The following MIB1 variants were observed in gnomAD, a reference collection of about 807,000 sequenced individuals.
The protein encoded by MIB1 is E3 ubiquitin-protein ligase MIB1.
Under a neutral mutation model 124.5 loss-of-function variants are expected in MIB1, and 278 were observed. The ratio of observed to expected loss-of-function variants is 2.23; its 90% CI spans 2.02 to 2.47. The LOEUF is 2.47. MIB1 is among the 30% of genes most tolerant of loss of function. The probability of loss-of-function intolerance (pLI) is 0.00; values close to 1 mark genes in which losing one functional copy is unlikely to be tolerated. For missense variants in MIB1, 957 were observed against 1,254.4 expected (o/e 0.76, Z 3.58); for synonymous variants, 446 against 429.4 (o/e 1.04, Z -0.48).
chr18:21,795,042 A>G (rs2041557087), intron 7 of MIB1, among the ~76,000 whole-genome samples: 1 of 151,780 alleles, frequency 6.6e-6, no homozygotes, highest in Non-Finnish European at 1.5e-5. Context: ...GTTGTAAAGG[A>G]AAGGGTAGAA....
At chr18:21,856,147 G>A (rs1182983113) in intron 18 of MIB1, among the ~76,000 whole-genome samples, 1 of 151,220 alleles carries the variant, frequency 6.6e-6, no homozygotes, top group Admixed American at 6.6e-5. Context: ...GGAGAATGGC[G>A]TGAACCCGGG....
At chr18:21,761,937 T>C (rs910412068) in intron 1 of MIB1, among the ~76,000 whole-genome samples, 6 of 80,490 alleles carry the variant, frequency 7.5e-5, no homozygotes, top group Non-Finnish European at 1.6e-4. Flanking sequence ...CAGAAAACAA[T>C]CTGGAAACCC....
chr18:21,716,664 A>G (rs891433739), intron 1 of MIB1, among the ~76,000 whole-genome samples: 5 of 152,170 alleles, frequency 3.3e-5, no homozygotes, highest in African/African-American at 4.8e-5. Context: ...ATCCTGGCTA[A>G]CACGGTGAAA....
intron 13 of MIB1, among the ~76,000 whole-genome samples, chr18:21,840,649 ATATATATATATATATATTTTT>A (rs1335372118): frequency 6.0e-4 from 43 of 71,316 alleles, no homozygotes; most frequent in Non-Finnish European, 6.9e-4. Context: ...ATATATATAT[ATATATATATATATATATTTTT>A]TTTTTTTTTT....
At position 21,864,718 on chromosome 18, in the gene MIB1, A is replaced by C; in HGVS notation, c.*52A>C. 1 of 1,449,654 alleles carries C rather than the reference A, an allele frequency of 6.9e-7. No homozygotes were observed. Among genetic ancestry groups the C allele is most frequent in the Non-Finnish European group, 9.5e-7 (1 of 1,049,832 alleles). 89.8% of individuals were successfully genotyped at this position (1,449,654 alleles called of 1,614,324 possible). ...CTAATGTATCTAGTCATGAGATCTT[A>C]ATAGGCTTTTGATCTAGTTGGAAGT... is the stretch of plus-strand genomic sequence containing the variant. On this transcript the variant is annotated 3_prime_UTR_variant, in exon 21 of 21. Transcript: ENST00000261537.
chr18:21,861,898 A>G (rs895521132), intron 20 of MIB1, among the ~76,000 whole-genome samples: 6 of 151,566 alleles, frequency 4.0e-5, no homozygotes, highest in Non-Finnish European at 8.8e-5. Flanking sequence ...TTATCAATCT[A>G]TTTTGCTTTT....
chr18:21,782,315 G>T (rs926032679), intron 6 of MIB1, among the ~76,000 whole-genome samples: 2 of 152,026 alleles, frequency 1.3e-5, no homozygotes, highest in African/African-American at 4.8e-5. Context: ...TAGAGATGGG[G>T]TTTCTCCATG....
intron 6 of MIB1, among the ~76,000 whole-genome samples, chr18:21,790,085 A>G (rs375302251): frequency 7.2e-5 from 11 of 152,370 alleles, no homozygotes; most frequent in African/African-American, 2.6e-4. Flanking sequence ...GTTTGCTACA[A>G]TGATTACAAT....
At position 21,711,010 on chromosome 18, in the gene MIB1, A is replaced by T. The variant is rs976542536; in HGVS notation, n.167+5887A>T. 2.6e-5 allele frequency among the ~76,000 whole-genome samples: 4 copies of T among 152,028 alleles called. No homozygotes were observed. The South Asian group carries it at 8.3e-4, about 32-fold the overall frequency. ...CCCAGATAATTTTTGTATTTTTAGT[A>T]GAGACAGGGTTTCACCATGTTGGCC... On this transcript the variant is annotated intron_variant and non_coding_transcript_variant, in intron 1 of 20. Transcript: ENST00000578646.
At chr18:21,808,031 A>G (rs546881885) in intron 10 of MIB1, among the ~76,000 whole-genome samples, 70 of 152,324 alleles carry the variant, frequency 4.6e-4, no homozygotes, top group African/African-American at 1.6e-3. Context: ...AATATTTAAT[A>G]TGTATTCCAA....
Position 21,815,761 on chromosome 18 carries a change from A to T in MIB1, c.1625A>T (p.His542Leu). The change falls in exon 11 of 21, where the codon CAT (histidine) becomes CTT (leucine). Residue 542 changes from histidine (H) to leucine (L), a missense_variant. His to Leu is a moderately conservative substitution (Grantham distance 99). Transcript: ENST00000261537. ...TPLHIAVNKG[H>L]LQVVKTLLDF... ...CTTCATATTGCTGTCAATAAAGGTC[A>T]TCTTCAAGTTGTGAAGACTTTATTG... The T allele has an allele frequency of 6.2e-7, 1 of 1,614,182 alleles. No individual in the cohort carries two copies. Among genetic ancestry groups the T allele is most frequent in the Non-Finnish European group, 8.5e-7 (1 of 1,180,022 alleles).
Position 21,798,127 on chromosome 18 carries a change from G to A in MIB1, c.1136G>A (p.Ser379Asn). The change falls in exon 8 of 21, where the codon AGT (serine) becomes AAT (asparagine). Residue 379 changes from serine (S) to asparagine (N), a missense_variant. Transcript: ENST00000261537. ...VGRVQQIYSD[S>N]DLKVEVCGTS... Reference sequence around the variant, plus strand: ...CGAGTACAACAGATTTATTCAGACAGTGATTTAAAGGTGGAAGTTTGTGGA... The same window carrying A: ...CGAGTACAACAGATTTATTCAGACAATGATTTAAAGGTGGAAGTTTGTGGA... 1 of 1,613,238 alleles carries A rather than the reference G, an allele frequency of 6.2e-7. No homozygotes were observed. The highest frequency in any genetic ancestry group is 8.5e-7 in the Non-Finnish European group (1 of 1,179,394).
At chr18:21,780,559 C>T (rs1435992039) in intron 6 of MIB1, among the ~76,000 whole-genome samples, 6 of 152,210 alleles carry the variant, frequency 3.9e-5, no homozygotes, top group African/African-American at 1.4e-4. Context: ...CTGCAGATGA[C>T]AGGATTTCAT....
At chr18:21,819,304 G>C (rs1008045584) in intron 11 of MIB1, among the ~76,000 whole-genome samples, 191 bp from the exon 12 acceptor site, 1 of 152,224 alleles carries the variant, frequency 6.6e-6, no homozygotes, top group Non-Finnish European at 1.5e-5. Flanking sequence ...CTCCCAAAGT[G>C]CTAGGGTTAC....
intron 10 of MIB1, among the ~76,000 whole-genome samples, chr18:21,814,733 C>G (rs2146472951): frequency 6.6e-6 from 1 of 151,904 alleles, no homozygotes; most frequent in Non-Finnish European, 1.5e-5. Flanking sequence ...GCCACCATGT[C>G]TGGCTAATGT....
chr18:21,707,313 C>G (rs2040643129), intron 1 of MIB1, among the ~76,000 whole-genome samples: 3 of 152,152 alleles, frequency 2.0e-5, no homozygotes, highest in Admixed American at 2.0e-4. Context: ...ACCACCCTGT[C>G]AAAACGGACC....
In MIB1 at chr18:21,857,128, A is replaced by G. The variant is rs1202870288; in HGVS notation, c.2666-2A>G. 3.7e-6 allele frequency: 6 copies of G among 1,609,998 alleles called. No homozygotes were observed. The highest frequency in any genetic ancestry group is 1.3e-5 in the African/African-American group (1 of 74,860). Reference sequence around the variant, plus strand: ...AGAAGTGTCTGTGTTACCGTTTTCCAGACTGTGCTAACCTGATGAAAAAGT... The same window carrying G: ...AGAAGTGTCTGTGTTACCGTTTTCCGGACTGTGCTAACCTGATGAAAAAGT... On this transcript the variant is annotated splice_acceptor_variant, in intron 18 of 20. Coordinates refer to ENST00000261537, the MANE Select transcript of MIB1 (RefSeq NM_020774.4). LOFTEE classifies it high-confidence loss of function.
chr18:21,759,627 G>T (rs1449968530), intron 1 of MIB1, among the ~76,000 whole-genome samples: 1 of 152,066 alleles, frequency 6.6e-6, no homozygotes, highest in Non-Finnish European at 1.5e-5. Flanking sequence ...TTCATTTTTG[G>T]TATTCCATTG....
At chr18:21,775,301 G>A (rs1236904671) in intron 4 of MIB1, among the ~76,000 whole-genome samples, 2 of 151,948 alleles carry the variant, frequency 1.3e-5, no homozygotes, top group Non-Finnish European at 1.5e-5. Flanking sequence ...GTGCAGTGGT[G>A]CAATCATAGT....
Sources: allele counts gnomAD v4.1 joint callset (sites outside exome capture counted in the v4.1 genomes callset), GRCh38; gene constraint gnomAD v4.1.1; transcripts MANE v1.5; gene names NCBI Gene and HGNC (gene_info 2026-07-23, HGNC 2026-07-21).